The following CYRIA variants were observed in gnomAD, a reference collection of about 807,000 sequenced individuals.
CYRIA encodes CYFIP related Rac1 interactor A.
In CYRIA, 15 loss-of-function variants were observed where a neutral mutation model predicts 43.9. The observed-to-expected ratio is 0.34, with a 90% confidence interval of 0.23 to 0.53. The LOEUF is 0.53. CYRIA is among the 20% of genes least tolerant of loss of function. The probability of loss-of-function intolerance (pLI) is 0.94; values close to 1 mark genes in which losing one functional copy is unlikely to be tolerated. For missense variants in CYRIA, 236 were observed against 394.2 expected, an observed-to-expected ratio of 0.60 and a Z score of 3.40; for synonymous variants, 117 against 136.0, an observed-to-expected ratio of 0.86 and a Z score of 0.97.
chr2:16,593,609 T>A (rs1572489377), intron 2 of CYRIA, among the ~76,000 whole-genome samples: 1 of 152,002 alleles, frequency 6.6e-6, no homozygotes, highest in East Asian at 1.9e-4. Flanking sequence ...CATAAACAAA[T>A]GCTTTTAAAA....
At chr2:16,662,278 C>G (rs1670278845) in intron 1 of CYRIA, among the ~76,000 whole-genome samples, 1 of 152,144 alleles carries the variant, frequency 6.6e-6, no homozygotes, top group South Asian at 2.1e-4. Flanking sequence ...ACCCAGAGGT[C>G]CAGTAACTGA....
intron 9 of CYRIA, among the ~76,000 whole-genome samples, chr2:16,560,311 G>C (rs1221860720): frequency 6.6e-6 from 1 of 152,170 alleles, no homozygotes; most frequent in Non-Finnish European, 1.5e-5. Context: ...ATTTGAACAG[G>C]CTATCAGATT....
intron 2 of CYRIA, among the ~76,000 whole-genome samples, chr2:16,603,434 T>G (rs1668275913): frequency 6.6e-6 from 1 of 152,174 alleles, no homozygotes; most frequent in South Asian, 2.1e-4. Flanking sequence ...CAGATCAGGG[T>G]CACTGGAATC....
intron 3 of CYRIA, among the ~76,000 whole-genome samples, chr2:16,580,597 T>C (rs1667519025): frequency 6.6e-6 from 1 of 152,202 alleles, no homozygotes; most frequent in African/African-American, 2.4e-5. Flanking sequence ...GATGCAATTA[T>C]AATCAATATC....
At chr2:16,576,868 G>T (rs111952987) in intron 3 of CYRIA, among the ~76,000 whole-genome samples, 1 of 152,136 alleles carries the variant, frequency 6.6e-6, no homozygotes, top group Admixed American at 6.5e-5. Flanking sequence ...ATGCAACAAC[G>T]TGAATGAACC....
intron 2 of CYRIA, among the ~76,000 whole-genome samples, chr2:16,599,923 A>G (rs1309613569): frequency 6.6e-6 from 1 of 152,078 alleles, no homozygotes. Context: ...CACCCAGCTA[A>G]TTTTTGTATT....
intron 1 of CYRIA, among the ~76,000 whole-genome samples, chr2:16,653,093 C>T (rs1478700667): frequency 6.6e-6 from 1 of 152,240 alleles, no homozygotes; most frequent in African/African-American, 2.4e-5. Flanking sequence ...AGATTGAAGA[C>T]AAGCCTGGGC....
intron 2 of CYRIA, among the ~76,000 whole-genome samples, chr2:16,619,758 C>G (rs150743365): frequency 3.3e-5 from 5 of 152,284 alleles, no homozygotes; most frequent in Non-Finnish European, 5.9e-5. Context: ...TTTTGAAAAG[C>G]AGAGTTGAGG....
At chr2:16,602,209 C>G (rs547837076) in intron 2 of CYRIA, among the ~76,000 whole-genome samples, 1 of 152,284 alleles carries the variant, frequency 6.6e-6, no homozygotes, top group East Asian at 1.9e-4. Context: ...AAGAAGACCT[C>G]TATCAGAAGG....
chr2:16,652,305 A>G (rs1052722594), intron 1 of CYRIA, among the ~76,000 whole-genome samples: 8 of 152,166 alleles, frequency 5.3e-5, no homozygotes, highest in Admixed American at 1.3e-4. Flanking sequence ...AGTTGCTACA[A>G]GTTGCTATAA....
chr2:16,582,061 C>T (rs2103447961), intron 3 of CYRIA, among the ~76,000 whole-genome samples: 1 of 152,256 alleles, frequency 6.6e-6, no homozygotes, highest in Non-Finnish European at 1.5e-5. Flanking sequence ...GGTAGGTAGA[C>T]TGCCTGGGAA....
At chr2:16,660,496 G>C (rs1670222506) in intron 1 of CYRIA, among the ~76,000 whole-genome samples, 1 of 152,210 alleles carries the variant, frequency 6.6e-6, no homozygotes, top group Admixed American at 6.5e-5. Context: ...ACACTGGCCA[G>C]GCTCCACTGG....
chr2:16,631,322 A>C (rs1436271888), intron 1 of CYRIA, among the ~76,000 whole-genome samples: 1 of 152,214 alleles, frequency 6.6e-6, no homozygotes, highest in Non-Finnish European at 1.5e-5. Context: ...TGAATTGTAA[A>C]CTTCAGCTTC....
At chr2:16,555,189 T>C (rs1558398670) in intron 10 of CYRIA, 50 bp from the exon 11 acceptor site, 1 of 1,464,366 alleles carries the variant, frequency 6.8e-7, no homozygotes, top group Non-Finnish European at 9.5e-7. Context: ...ATACTGTCTA[T>C]GCCAATATCT....
intron 1 of CYRIA, among the ~76,000 whole-genome samples, chr2:16,639,178 C>T (rs143603981): frequency 2.0e-4 from 30 of 152,292 alleles, no homozygotes; most frequent in African/African-American, 7.0e-4. Context: ...GGTAATCGCT[C>T]GTCCTCGTCT....
intron 1 of CYRIA, among the ~76,000 whole-genome samples, chr2:16,653,967 G>A (rs1572206551): frequency 6.6e-6 from 1 of 152,288 alleles, no homozygotes; most frequent in East Asian, 1.9e-4. Flanking sequence ...GCCAGTAGTG[G>A]GGCAGGCTGA....
chr2:16,631,934 T>C (rs1371896301), intron 1 of CYRIA, among the ~76,000 whole-genome samples: 1 of 152,182 alleles, frequency 6.6e-6, no homozygotes, highest in Non-Finnish European at 1.5e-5. Flanking sequence ...TGTGAACACC[T>C]ACAGCCCTCA....
At chr2:16,602,826 A>C (rs952742349) in intron 2 of CYRIA, among the ~76,000 whole-genome samples, 1 of 152,158 alleles carries the variant, frequency 6.6e-6, no homozygotes, top group Non-Finnish European at 1.5e-5. Flanking sequence ...ATTTTCTAAG[A>C]CATGATGAAC....
chr2:16,600,107 T>C (rs1390211411), intron 2 of CYRIA, among the ~76,000 whole-genome samples: 1 of 152,232 alleles, frequency 6.6e-6, no homozygotes, highest in East Asian at 1.9e-4. Context: ...CCATGTCATA[T>C]AGCACAAAGT....
Sources: allele counts gnomAD v4.1 joint callset (sites outside exome capture counted in the v4.1 genomes callset), GRCh38; gene constraint gnomAD v4.1.1; transcripts MANE v1.5; gene names NCBI Gene and HGNC (gene_info 2026-07-23, HGNC 2026-07-21).